Variants in SMAP1 observed in about 807,000 individuals in gnomAD.
The protein encoded by SMAP1 is stromal membrane-associated protein 1.
In SMAP1, 24 loss-of-function variants were observed where a neutral mutation model predicts 58.5. That is an observed-to-expected ratio of 0.41 (90% CI 0.30 to 0.58). The LOEUF is 0.58. Among genes scored for constraint, SMAP1 ranks in the 20% least tolerant of loss-of-function variants. The probability of loss-of-function intolerance (pLI) is 0.29; values close to 1 mark genes in which losing one functional copy is unlikely to be tolerated. For missense variants in SMAP1, 563 were observed against 566.3 expected, an observed-to-expected ratio of 0.99 and a Z score of 0.06; for synonymous variants, 216 against 196.6, an observed-to-expected ratio of 1.10 and a Z score of -0.82.
In SMAP1 at chr6:70,768,538, A is replaced by G. The variant is rs568200650; in HGVS notation, c.339-4812A>G. Among the ~76,000 whole-genome samples the G allele has an allele frequency of 8.1e-4, 124 of 152,296 alleles. 3 individuals carry two copies. In the South Asian group the frequency reaches 0.023, roughly 29 times the overall value. On this transcript the variant is annotated intron_variant, in intron 3 of 10. Transcript: ENST00000370455. Reference sequence around the variant, plus strand: ...TCTAGATTATCCAGTTTATTTGCGTAGAGGTGTTTGTCGTATTCTCTGATG... The same window carrying G: ...TCTAGATTATCCAGTTTATTTGCGTGGAGGTGTTTGTCGTATTCTCTGATG...
intron 4 of SMAP1, among the ~76,000 whole-genome samples, chr6:70,783,964 ACTC>A (rs1203749753): frequency 2.6e-5 from 4 of 152,116 alleles, no homozygotes; most frequent in Admixed American, 1.3e-4. Context: ...CCACAAAGAT[ACTC>A]CTCGAGAAGA....
At chr6:70,859,178 T>C (rs775410411) in intron 10 of SMAP1, 4 of 544,238 alleles carry the variant, frequency 7.3e-6, no homozygotes, top group Admixed American at 7.2e-5. Context: ...TTTACAAGAA[T>C]ATAGGTAAAA....
chr6:70,817,803 G>A (rs557187875), intron 6 of SMAP1, among the ~76,000 whole-genome samples: 4 of 152,190 alleles, frequency 2.6e-5, no homozygotes, highest in Admixed American at 1.3e-4. Flanking sequence ...TCTGTAAGGG[G>A]CTAAAGGGTT....
chr6:70,825,063 C>T (rs546681060), intron 6 of SMAP1, among the ~76,000 whole-genome samples: 1 of 152,182 alleles, frequency 6.6e-6, no homozygotes, highest in Non-Finnish European at 1.5e-5. Flanking sequence ...TACTGTGACT[C>T]TGTGCTCATG....
chr6:70,784,841 C>A (rs1015961185), intron 4 of SMAP1, among the ~76,000 whole-genome samples: 1 of 152,136 alleles, frequency 6.6e-6, no homozygotes, highest in Admixed American at 6.5e-5. Context: ...TAGACTCCCA[C>A]ACAATAATAA....
chr6:70,763,951 G>A (rs1419521223), intron 3 of SMAP1, among the ~76,000 whole-genome samples: 2 of 152,136 alleles, frequency 1.3e-5, no homozygotes, highest in Non-Finnish European at 1.5e-5. Context: ...TTCTCACTGT[G>A]TCACCCAGGC....
chr6:70,828,252 T>C (rs898488033), intron 6 of SMAP1, among the ~76,000 whole-genome samples: 3 of 152,216 alleles, frequency 2.0e-5, no homozygotes, highest in African/African-American at 7.2e-5. Flanking sequence ...ATGAATTTTT[T>C]ACTGAAAATT....
intron 3 of SMAP1, among the ~76,000 whole-genome samples, chr6:70,758,059 A>T (rs1391205633): frequency 1.1e-4 from 17 of 152,140 alleles, no homozygotes; most frequent in Non-Finnish European, 2.2e-4. Flanking sequence ...TGCTATAAAG[A>T]CACATGCACA....
At chr6:70,859,454 C>A in intron 10 of SMAP1, 1 of 1,295,984 alleles carries the variant, frequency 7.7e-7, no homozygotes. Context: ...ACACTTATGC[C>A]TGATTAGTGA....
At chr6:70,812,726 C>T (rs971485863) in intron 6 of SMAP1, among the ~76,000 whole-genome samples, 1 of 152,142 alleles carries the variant, frequency 6.6e-6, no homozygotes, top group Non-Finnish European at 1.5e-5. Flanking sequence ...AGAGTCTGTC[C>T]ATTACCTATG....
chr6:70,734,338 G>T (rs1448651058), intron 2 of SMAP1, among the ~76,000 whole-genome samples: 4 of 152,166 alleles, frequency 2.6e-5, no homozygotes, highest in Admixed American at 6.5e-5. Flanking sequence ...TAGAGGTGGG[G>T]TTTTGCCATG....
intron 4 of SMAP1, among the ~76,000 whole-genome samples, chr6:70,784,574 C>T (rs1450594048): frequency 6.6e-6 from 1 of 152,116 alleles, no homozygotes; most frequent in Non-Finnish European, 1.5e-5. Flanking sequence ...CATGCAGAGA[C>T]ACACATAGGC....
intron 4 of SMAP1, among the ~76,000 whole-genome samples, chr6:70,780,089 C>A (rs530561037): frequency 6.6e-6 from 1 of 152,098 alleles, no homozygotes; most frequent in Non-Finnish European, 1.5e-5. Context: ...ACATATGGCC[C>A]GCTCATTATT....
At chr6:70,762,020 A>C (rs1359587526) in intron 3 of SMAP1, among the ~76,000 whole-genome samples, 3 of 152,076 alleles carry the variant, frequency 2.0e-5, no homozygotes, top group Non-Finnish European at 4.4e-5. Context: ...TGTAATAATA[A>C]GTGCCTACCT....
intron 6 of SMAP1, among the ~76,000 whole-genome samples, chr6:70,825,166 G>A (rs1386859502): frequency 2.0e-5 from 3 of 152,154 alleles, no homozygotes; most frequent in Non-Finnish European, 4.4e-5. Flanking sequence ...TGTCCCATCG[G>A]ATTTACAAAA....
chr6:70,823,968 G>A (rs1770005157), intron 6 of SMAP1, among the ~76,000 whole-genome samples: 2 of 151,742 alleles, frequency 1.3e-5, no homozygotes, highest in South Asian at 4.2e-4. Context: ...CTATGACCTG[G>A]ATCCCCTGAA....
chr6:70,809,126 G>T (rs532703260), intron 6 of SMAP1, among the ~76,000 whole-genome samples: 17 of 152,196 alleles, frequency 1.1e-4, no homozygotes, highest in African/African-American at 4.1e-4. Flanking sequence ...AATTCACAAA[G>T]TATATAAAAG....
chr6:70,748,720 G>A (rs190997083), intron 2 of SMAP1, among the ~76,000 whole-genome samples: 2 of 151,980 alleles, frequency 1.3e-5, no homozygotes, highest in Admixed American at 6.6e-5. Context: ...TTATTTAGTT[G>A]TTGGGAATAG....
At chr6:70,823,269 G>A (rs1222526799) in intron 6 of SMAP1, among the ~76,000 whole-genome samples, 1 of 152,082 alleles carries the variant, frequency 6.6e-6, no homozygotes, top group East Asian at 1.9e-4. Context: ...TTCGGGGGAG[G>A]GGAAGTGTTC....
Sources: allele counts gnomAD v4.1 joint callset (sites outside exome capture counted in the v4.1 genomes callset), GRCh38; gene constraint gnomAD v4.1.1; transcripts MANE v1.5; gene names NCBI Gene and HGNC (gene_info 2026-07-23, HGNC 2026-07-21).